ANK2: variants seen among roughly 807,000 people sequenced by gnomAD.
ANK2 encodes the protein ankyrin 2.
In ANK2, 83 loss-of-function variants were observed where a neutral mutation model predicts 360.5. The observed-to-expected ratio is 0.23, with a 90% confidence interval of 0.19 to 0.28. The LOEUF (loss-of-function observed/expected upper bound fraction) is 0.28. ANK2 is among the 10% of genes least tolerant of loss of function. ANK2 has a pLI of 1.00. For synonymous variants in ANK2, 1,740 were observed against 1,759.5 expected (o/e 0.99, Z 0.28); for missense variants, 4,201 against 4,795.7 (o/e 0.88, Z 3.66).
chr4:112,772,463 C>T, the ANK2 span, among the ~76,000 whole-genome samples: 1 of 152,144 alleles, frequency 6.6e-6, no homozygotes. Context: ...CAAATCATAT[C>T]AGTGCCTTAT....
intron 1 of ANK2, among the ~76,000 whole-genome samples, chr4:112,850,338 C>G (rs1006150200): frequency 9.3e-5 from 14 of 150,230 alleles, no homozygotes; most frequent in Admixed American, 2.7e-4. Context: ...TCTGTCCATC[C>G]ATCCATCCAT....
the ANK2 span, among the ~76,000 whole-genome samples, chr4:112,800,822 T>C: frequency 6.6e-6 from 1 of 152,038 alleles, no homozygotes; most frequent in Non-Finnish European, 1.5e-5. Context: ...AGCGAGCTAA[T>C]TTTTTGTATT....
rs113000936 is a variant in ANK2 at position 113,318,368 on chromosome 4, A to T, written c.2797-149A>T. ...TTTAAAAGAGAATGCATTTTAAAAG[A>T]TTCATTGTAAATACATTGGTTTTAT... On this transcript the variant is annotated intron_variant, in intron 25 of 45. Coordinates refer to ENST00000357077, the MANE Select transcript of ANK2 (RefSeq NM_001148.6). The T allele has an allele frequency of 2.3e-3, 1,531 of 658,266 alleles. 20 individuals carry two copies. In the African/African-American group the frequency reaches 0.025, roughly 11 times the overall value. 40.8% of individuals were successfully genotyped at this position (658,266 alleles called of 1,614,324 possible).
intron 2 of ANK2, among the ~76,000 whole-genome samples, chr4:113,019,042 G>A (rs183957396): frequency 3.9e-5 from 6 of 152,162 alleles, no homozygotes; most frequent in Admixed American, 1.3e-4. Context: ...TTTATGATAA[G>A]ATTTTAATGC....
intron 2 of ANK2, among the ~76,000 whole-genome samples, chr4:112,910,882 C>A (rs2086935871): frequency 6.6e-6 from 1 of 151,436 alleles, no homozygotes; most frequent in African/African-American, 2.4e-5. Context: ...TTTGTGCTCC[C>A]AAAATAATTT....
chr4:112,723,740 G>A, the ANK2 span, among the ~76,000 whole-genome samples: 1 of 152,216 alleles, frequency 6.6e-6, no homozygotes, highest in African/African-American at 2.4e-5. Context: ...GTGATCAAAA[G>A]CATTGCCACC....
At chr4:113,064,186 C>T (rs987511372) in intron 1 of ANK2, among the ~76,000 whole-genome samples, 8 of 151,960 alleles carry the variant, frequency 5.3e-5, no homozygotes, top group Non-Finnish European at 1.2e-4. Context: ...GAAATTTTTC[C>T]TCATTAATTT....
chr4:113,086,190 T>A (rs1348197304), intron 1 of ANK2, among the ~76,000 whole-genome samples: 1 of 152,212 alleles, frequency 6.6e-6, no homozygotes, highest in African/African-American at 2.4e-5. Context: ...CCTGTTAATA[T>A]AGACACTGAC....
chr4:113,017,824 C>T (rs1191440837), intron 2 of ANK2, among the ~76,000 whole-genome samples: 1 of 152,114 alleles, frequency 6.6e-6, no homozygotes, highest in Non-Finnish European at 1.5e-5. Flanking sequence ...GGATTCATAC[C>T]AATTACTCTG....
chr4:112,921,391 T>C (rs2091472110), intron 2 of ANK2, among the ~76,000 whole-genome samples: 2 of 151,700 alleles, frequency 1.3e-5, no homozygotes, highest in Admixed American at 1.3e-4. Context: ...TTTTTTTTTT[T>C]TTTTTTTTAA....
intron 1 of ANK2, among the ~76,000 whole-genome samples, chr4:112,867,560 C>A (rs1341824199): frequency 6.6e-6 from 1 of 152,020 alleles, no homozygotes; most frequent in Non-Finnish European, 1.5e-5. Context: ...TCCCCTTTCC[C>A]CCCTACTCCC....
At chr4:113,002,205 T>C (rs1041387976) in intron 2 of ANK2, among the ~76,000 whole-genome samples, 2 of 152,084 alleles carry the variant, frequency 1.3e-5, no homozygotes, top group Non-Finnish European at 2.9e-5. Context: ...AGCCATCCCA[T>C]TACTGGGTAT....
intron 1 of ANK2, among the ~76,000 whole-genome samples, chr4:112,847,368 T>G (rs778764374): frequency 6.6e-6 from 1 of 152,246 alleles, no homozygotes; most frequent in Non-Finnish European, 1.5e-5. Flanking sequence ...CAATCATTCT[T>G]GATTCTTCTT....
At chr4:113,253,819 A>T (rs2047802976) in intron 10 of ANK2, among the ~76,000 whole-genome samples, 1 of 152,100 alleles carries the variant, frequency 6.6e-6, no homozygotes, top group Non-Finnish European at 1.5e-5. Context: ...TATTCTCAGC[A>T]CAGCAGCAAG....
intron 3 of ANK2, among the ~76,000 whole-genome samples, chr4:113,197,895 G>A (rs573076018): frequency 3.5e-4 from 54 of 152,248 alleles, no homozygotes; most frequent in Admixed American, 2.7e-3. Context: ...GAAGCCCAGT[G>A]TGCTGGCTCA....
At chr4:112,912,063 G>A (rs530862230) in intron 2 of ANK2, among the ~76,000 whole-genome samples, 3 of 152,074 alleles carry the variant, frequency 2.0e-5, no homozygotes, top group South Asian at 4.1e-4. Context: ...TGTAGTCCCA[G>A]CTACTCGGGA....
chr4:113,233,528 A>G (rs1327329088), intron 5 of ANK2, among the ~76,000 whole-genome samples: 2 of 152,090 alleles, frequency 1.3e-5, no homozygotes, highest in East Asian at 1.9e-4. Context: ...TTACCCAGAA[A>G]CTATCTTAAG....
chr4:113,140,930 G>C (rs1253260761), intron 1 of ANK2, among the ~76,000 whole-genome samples: 1 of 151,706 alleles, frequency 6.6e-6, no homozygotes, highest in Non-Finnish European at 1.5e-5. Context: ...ATGAGCCAAG[G>C]TTGCGCCATT....
At chr4:113,191,765 G>C (rs113676605) in intron 2 of ANK2, among the ~76,000 whole-genome samples, 1 of 152,182 alleles carries the variant, frequency 6.6e-6, no homozygotes, top group Non-Finnish European at 1.5e-5. Context: ...ATAACTATCT[G>C]AGGTAGGCAA....
Sources: allele counts gnomAD v4.1 joint callset (sites outside exome capture counted in the v4.1 genomes callset), GRCh38; gene constraint gnomAD v4.1.1; transcripts MANE v1.5; gene names NCBI Gene and HGNC (gene_info 2026-07-23, HGNC 2026-07-21).